The following GALNT13 variants were observed in gnomAD, a reference collection of about 807,000 sequenced individuals.
GALNT13 encodes the protein UDP-GalNAc:polypeptide N-acetylgalactosaminyltransferase 13.
A neutral mutation model predicts 64.2 loss-of-function variants in GALNT13; 28 were observed. The observed-to-expected ratio is 0.44, with a 90% CI of 0.32 to 0.60. The LOEUF (loss-of-function observed/expected upper bound fraction) is 0.60. GALNT13 is among the 20% of genes least tolerant of loss of function. The pLI is 0.05. For synonymous variants in GALNT13, 214 were observed against 224.6 expected (o/e 0.95, Z 0.42); for missense variants, 577 against 669.8 (o/e 0.86, Z 1.53).
At chr2:153,276,353 G>T in the GALNT13 span, among the ~76,000 whole-genome samples, 1 of 151,836 alleles carries the variant, frequency 6.6e-6, no homozygotes, top group Non-Finnish European at 1.5e-5. Flanking sequence ...GCATCCTCTT[G>T]AAAAACACAT....
chr2:153,173,604 A>G, the GALNT13 span, among the ~76,000 whole-genome samples: 102 of 152,322 alleles, frequency 6.7e-4, no homozygotes, highest in African/African-American at 2.4e-3. Flanking sequence ...GTACTAGGGT[A>G]TATCTCTTAC....
At chr2:153,473,046 C>G in the GALNT13 span, among the ~76,000 whole-genome samples, 1 of 151,614 alleles carries the variant, frequency 6.6e-6, no homozygotes, top group Non-Finnish European at 1.5e-5. Flanking sequence ...GGGTGGGGGG[C>G]TAGGGGAGGG....
the GALNT13 span, among the ~76,000 whole-genome samples, chr2:153,819,145 C>A: frequency 1.3e-5 from 2 of 152,114 alleles, no homozygotes; most frequent in African/African-American, 2.4e-5. Flanking sequence ...CACACCATTA[C>A]CAACATGTAT....
At chr2:153,184,233 G>A in the GALNT13 span, among the ~76,000 whole-genome samples, 1 of 152,086 alleles carries the variant, frequency 6.6e-6, no homozygotes, top group Admixed American at 6.5e-5. Flanking sequence ...TTTGGTGGCA[G>A]TTGTGAATAG....
intron 4 of GALNT13, among the ~76,000 whole-genome samples, chr2:154,145,048 T>TTCTCTCTCTCTCTCTCTCTC (rs3075862): frequency 9.4e-6 from 1 of 106,678 alleles, no homozygotes; most frequent in African/African-American, 3.2e-5. Context: ...ATTTATGTAG[T>TTCTCTCTCTCTCTCTCTCTC]TCTCTCTCTC....
intron 6 of GALNT13, among the ~76,000 whole-genome samples, chr2:154,243,822 A>G (rs1223623123): frequency 6.6e-6 from 1 of 152,222 alleles, no homozygotes; most frequent in Admixed American, 6.5e-5. Flanking sequence ...ATTTTTAATT[A>G]GACACTCAAG....
chr2:154,077,137 C>G (rs1342440267), intron 3 of GALNT13, among the ~76,000 whole-genome samples: 1 of 151,536 alleles, frequency 6.6e-6, no homozygotes, highest in Non-Finnish European at 1.5e-5. Flanking sequence ...TAGACTTGAG[C>G]TTATATGCTT....
At chr2:153,586,063 C>A in the GALNT13 span, among the ~76,000 whole-genome samples, 1 of 151,916 alleles carries the variant, frequency 6.6e-6, no homozygotes, top group East Asian at 1.9e-4. Flanking sequence ...AGAAGTCACA[C>A]AAAGGAGGAA....
chr2:154,043,098 C>G (rs1053047872), intron 3 of GALNT13, among the ~76,000 whole-genome samples: 6 of 151,698 alleles, frequency 4.0e-5, no homozygotes, highest in African/African-American at 1.5e-4. Context: ...ATGCAAAGGC[C>G]CTGTGATGAT....
At chr2:154,106,550 TA>T (rs1702626312) in intron 3 of GALNT13, among the ~76,000 whole-genome samples, 1 of 151,978 alleles carries the variant, frequency 6.6e-6, no homozygotes. Context: ...CTCTTCTGCC[TA>T]ATACCAGAGT....
chr2:154,078,639 CATATTA>C (rs1436292246), intron 3 of GALNT13, among the ~76,000 whole-genome samples: 2 of 137,880 alleles, frequency 1.5e-5, no homozygotes, highest in African/African-American at 5.6e-5. Context: ...GTTTGCTTTA[CATATTA>C]CATATGATGA....
intron 3 of GALNT13, among the ~76,000 whole-genome samples, chr2:154,043,227 A>T (rs1205898488): frequency 6.6e-6 from 1 of 151,914 alleles, no homozygotes. Context: ...CTTGTAAGTC[A>T]CTGTGCTGGT....
chr2:153,572,474 T>C, the GALNT13 span, among the ~76,000 whole-genome samples: 2 of 151,806 alleles, frequency 1.3e-5, no homozygotes, highest in African/African-American at 4.8e-5. Flanking sequence ...TTTATTTTCT[T>C]CTCATAATTT....
intron 12 of GALNT13, among the ~76,000 whole-genome samples, chr2:154,443,504 G>T (rs1011904898): frequency 3.3e-5 from 5 of 151,940 alleles, no homozygotes; most frequent in Admixed American, 6.6e-5. Context: ...TAACATAATT[G>T]ATTGGGTTTT....
chr2:154,173,876 G>T (rs1293971073), intron 4 of GALNT13, among the ~76,000 whole-genome samples: 1 of 152,030 alleles, frequency 6.6e-6, no homozygotes, highest in African/African-American at 2.4e-5. Context: ...TAAAAGACAA[G>T]CAATAATAGA....
At chr2:153,181,824 A>C in the GALNT13 span, among the ~76,000 whole-genome samples, 1 of 145,814 alleles carries the variant, frequency 6.9e-6, no homozygotes, top group Non-Finnish European at 1.5e-5. Flanking sequence ...ATATTTATAT[A>C]ATATAACATA....
At chr2:154,250,580 CCTT>C (rs776942846) in intron 7 of GALNT13, among the ~76,000 whole-genome samples, 1 of 151,968 alleles carries the variant, frequency 6.6e-6, no homozygotes, top group Non-Finnish European at 1.5e-5. Context: ...ATTCCTGACA[CCTT>C]CTGCCAATTT....
the GALNT13 span, among the ~76,000 whole-genome samples, chr2:153,392,381 G>A: frequency 2.0e-5 from 3 of 151,716 alleles, no homozygotes; most frequent in Middle Eastern, 3.4e-3. Flanking sequence ...CTTAAGACCC[G>A]GGTCATTATT....
At chr2:154,446,188 A>G (rs953237848) in intron 12 of GALNT13, among the ~76,000 whole-genome samples, 1 of 152,106 alleles carries the variant, frequency 6.6e-6, no homozygotes, top group African/African-American at 2.4e-5. Context: ...GAGGAGGCCA[A>G]GGGCCATAGC....
Sources: allele counts gnomAD v4.1 joint callset (sites outside exome capture counted in the v4.1 genomes callset), GRCh38; gene constraint gnomAD v4.1.1; transcripts MANE v1.5; gene names NCBI Gene and HGNC (gene_info 2026-07-23, HGNC 2026-07-21).